Variants in CDYL observed in about 807,000 individuals in gnomAD.
CDYL encodes the protein chromodomain Y-like protein.
In CDYL, 8 loss-of-function variants were observed where a neutral mutation model predicts 47.3. That is an observed-to-expected ratio of 0.17 (90% CI 0.10 to 0.31). CDYL has a LOEUF of 0.31. Among genes scored for constraint, CDYL ranks in the 10% least tolerant of loss-of-function variants. The pLI, the probability that CDYL is intolerant of heterozygous loss-of-function variation, is 1.00. For synonymous variants in CDYL, 266 were observed against 265.0 expected (o/e 1.00, Z -0.04); for missense variants, 471 against 701.4 (o/e 0.67, Z 3.71).
At chr6:4,931,321 A>G (rs113224882) in intron 2 of CDYL, among the ~76,000 whole-genome samples, 97 of 152,312 alleles carry the variant, frequency 6.4e-4, no homozygotes, top group African/African-American at 2.3e-3. Context: ...AAGGAAATAA[A>G]CCAGGGTGAT....
At chr6:4,826,626 G>A (rs189556244) in intron 1 of CDYL, among the ~76,000 whole-genome samples, 1 of 152,226 alleles carries the variant, frequency 6.6e-6, no homozygotes. Context: ...TTGAAGGAGG[G>A]TGTTGTTTTA....
chr6:4,782,002 A>G (rs1758630366), intron 1 of CDYL, among the ~76,000 whole-genome samples: 1 of 121,956 alleles, frequency 8.2e-6, no homozygotes, highest in Non-Finnish European at 1.6e-5. Context: ...ATGCAGGTGG[A>G]TTTAGGAGCC....
intron 1 of CDYL, among the ~76,000 whole-genome samples, chr6:4,822,482 T>A (rs1035402895): frequency 1.3e-5 from 2 of 152,186 alleles, no homozygotes; most frequent in Non-Finnish European, 2.9e-5. Flanking sequence ...TGAGAGTCAA[T>A]TCACATGTGT....
chr6:4,740,625 G>A (rs185026303), intron 3 of CDYL, among the ~76,000 whole-genome samples: 26 of 152,214 alleles, frequency 1.7e-4, no homozygotes, highest in African/African-American at 5.1e-4. Context: ...GACAAGTGAA[G>A]CCACATCTTC....
chr6:4,709,652 CCT>C (rs1456904461), intron 1 of CDYL, among the ~76,000 whole-genome samples: 2 of 152,160 alleles, frequency 1.3e-5, no homozygotes, highest in Non-Finnish European at 1.5e-5. Context: ...CAAGAGGGAA[CCT>C]CTGTCTCTCT....
rs1204786753 is a variant in CDYL at position 4,954,265 on chromosome 6, C to G, written c.*209C>G. 1 of 476,474 alleles carries G rather than the reference C, an allele frequency of 2.1e-6. No homozygotes were observed. Among genetic ancestry groups the G allele is most frequent in the Non-Finnish European group, 3.7e-6 (1 of 272,364 alleles). The allele number at this position is 476,474 out of a possible 1,614,324, so 29.5% of individuals were successfully genotyped here. On this transcript the variant is annotated 3_prime_UTR_variant, in exon 7 of 7. Transcript: ENST00000397588. Reference sequence around the variant, plus strand: ...TAAATAACTACAAAGCTTCTTTGTCCAAACGTCATTATTTTATACTTATAT... The same window carrying G: ...TAAATAACTACAAAGCTTCTTTGTCGAAACGTCATTATTTTATACTTATAT...
intron 1 of CDYL, among the ~76,000 whole-genome samples, chr6:4,844,039 C>T (rs751014369): frequency 6.6e-6 from 1 of 152,174 alleles, no homozygotes; most frequent in Non-Finnish European, 1.5e-5. Flanking sequence ...GTGATACTCT[C>T]TCCCTTCCCC....
At chr6:4,726,137 G>A (rs1757508666) in intron 2 of CDYL, among the ~76,000 whole-genome samples, 1 of 152,108 alleles carries the variant, frequency 6.6e-6, no homozygotes, top group Non-Finnish European at 1.5e-5. Context: ...AATGGGCCCG[G>A]CACGGTGGCT....
chr6:4,751,041 G>C lies in CDYL; in HGVS notation c.186+16197G>C, dbSNP rs967641799. ...CTAATTTTTTGTATATTTTTTAGTAGAGACAGGGTTTCACCATGTTAGCCA... is the reference window on the plus strand; with the variant it reads ...CTAATTTTTTGTATATTTTTTAGTACAGACAGGGTTTCACCATGTTAGCCA... On this transcript the variant is annotated intron_variant, in intron 3 of 8. Transcript: ENST00000328908. Among the ~76,000 whole-genome samples the C allele has an allele frequency of 4.6e-5, 7 of 151,966 alleles. No individual in the cohort carries two copies. The East Asian group carries it at 1.4e-3, about 29-fold the overall frequency.
At chr6:4,794,175 G>A (rs562888490) in intron 1 of CDYL, among the ~76,000 whole-genome samples, 2 of 152,194 alleles carry the variant, frequency 1.3e-5, no homozygotes, top group South Asian at 2.1e-4. Context: ...CACTGTAGCC[G>A]TCATCACATA....
At chr6:4,874,170 C>T (rs773478200) in intron 1 of CDYL, among the ~76,000 whole-genome samples, 1 of 152,032 alleles carries the variant, frequency 6.6e-6, no homozygotes, top group Non-Finnish European at 1.5e-5. Context: ...AAACGTTACT[C>T]ATATTTATTG....
chr6:4,868,613 G>A (rs2127472000), intron 1 of CDYL, among the ~76,000 whole-genome samples: 1 of 152,258 alleles, frequency 6.6e-6, no homozygotes, highest in South Asian at 2.1e-4. Flanking sequence ...CACTTGGAAG[G>A]ACCATTGTTG....
intron 2 of CDYL, among the ~76,000 whole-genome samples, chr6:4,902,862 T>C (rs990085077): frequency 6.6e-6 from 1 of 152,092 alleles, no homozygotes; most frequent in Non-Finnish European, 1.5e-5. Context: ...AAAAATAAAA[T>C]CGGATGTTTT....
chr6:4,940,914 AAGC>A (rs1758344012), intron 4 of CDYL, among the ~76,000 whole-genome samples: 1 of 152,172 alleles, frequency 6.6e-6, no homozygotes, highest in Admixed American at 6.5e-5. Context: ...CAGCCATGGA[AAGC>A]AGCACACTGG....
chr6:4,864,805 CT>C (rs758485723), intron 1 of CDYL, among the ~76,000 whole-genome samples: 15 of 152,278 alleles, frequency 9.9e-5, no homozygotes, highest in Non-Finnish European at 1.5e-4. Flanking sequence ...AATTAAACCT[CT>C]TTTTGTTCTC....
intron 1 of CDYL, among the ~76,000 whole-genome samples, chr6:4,882,918 T>G (rs1232092528): frequency 2.0e-5 from 3 of 152,180 alleles, no homozygotes; most frequent in Non-Finnish European, 2.9e-5. Flanking sequence ...ACGTACATTC[T>G]TGCCGTCCAC....
intron 2 of CDYL, among the ~76,000 whole-genome samples, chr6:4,720,106 G>A (rs772246121): frequency 1.3e-5 from 2 of 152,180 alleles, no homozygotes; most frequent in Non-Finnish European, 2.9e-5. Flanking sequence ...AGCCATGGAA[G>A]CTAGAAAGAG....
chr6:4,923,721 C>T (rs1220783094), intron 2 of CDYL, among the ~76,000 whole-genome samples: 1 of 151,944 alleles, frequency 6.6e-6, no homozygotes, highest in African/African-American at 2.4e-5. Flanking sequence ...CCGGTGAAAC[C>T]CCGTCTCTAC....
intron 1 of CDYL, among the ~76,000 whole-genome samples, chr6:4,867,925 T>C (rs1360640941): frequency 6.6e-6 from 1 of 151,822 alleles, no homozygotes; most frequent in Admixed American, 6.6e-5. Context: ...CGTGTTTCCT[T>C]CCTTTCTGCC....
Sources: gnomAD v4.1 joint callset for allele counts (sites outside exome capture counted in the v4.1 genomes callset) on GRCh38, gnomAD v4.1.1 for gene constraint, MANE v1.5 for transcripts, NCBI Gene and HGNC (gene_info 2026-07-23, HGNC 2026-07-21) for gene names.